SLC2A13: variants seen among roughly 807,000 people sequenced by gnomAD.
SLC2A13 encodes the protein proton myo-inositol cotransporter.
Under a neutral mutation model 64.4 loss-of-function variants are expected in SLC2A13, and 32 were observed. That is an observed-to-expected ratio of 0.50 (90% confidence interval 0.37 to 0.67). The LOEUF is 0.67. Ranked by LOEUF, SLC2A13 falls within the 30% of genes least tolerant of loss-of-function variation. The pLI, the probability that SLC2A13 is intolerant of heterozygous loss-of-function variation, is 0.00. For synonymous variants in SLC2A13, 338 were observed against 327.1 expected, an observed-to-expected ratio of 1.03 and a Z score of -0.36; for missense variants, 743 against 829.2, an observed-to-expected ratio of 0.90 and a Z score of 1.28.
intron 1 of SLC2A13, among the ~76,000 whole-genome samples, chr12:40,095,306 G>A (rs959142267): frequency 6.6e-6 from 1 of 152,154 alleles, no homozygotes. Flanking sequence ...AAATCTGCGT[G>A]AAGTAAAATA....
chr12:39,805,360 G>A (rs1223998271), intron 7 of SLC2A13, among the ~76,000 whole-genome samples: 1 of 152,144 alleles, frequency 6.6e-6, no homozygotes, highest in Non-Finnish European at 1.5e-5. Context: ...GGAGGCATCT[G>A]TAATAATCCT....
intron 7 of SLC2A13, among the ~76,000 whole-genome samples, chr12:39,804,140 A>G (rs1005204708): frequency 6.6e-6 from 1 of 152,188 alleles, no homozygotes; most frequent in African/African-American, 2.4e-5. Flanking sequence ...AAAACACTAA[A>G]TATCTTATTT....
intron 7 of SLC2A13, among the ~76,000 whole-genome samples, chr12:39,796,436 A>G (rs1238221295): frequency 1.3e-5 from 2 of 151,816 alleles, no homozygotes; most frequent in African/African-American, 2.4e-5. Flanking sequence ...AAAAAAAAAA[A>G]AAAAAAACCT....
intron 4 of SLC2A13, among the ~76,000 whole-genome samples, chr12:39,945,812 T>TA (rs1946122205): frequency 1.3e-5 from 2 of 152,224 alleles, no homozygotes; most frequent in Admixed American, 1.3e-4. Flanking sequence ...GGTCCCTCCC[T>TA]GATTAGCTTA....
chr12:39,956,906 G>T (rs902702309), intron 3 of SLC2A13, among the ~76,000 whole-genome samples: 1 of 152,072 alleles, frequency 6.6e-6, no homozygotes, highest in Non-Finnish European at 1.5e-5. Context: ...GAAAGCAGGG[G>T]CCTCACTGGG....
intron 1 of SLC2A13, among the ~76,000 whole-genome samples, chr12:40,082,979 T>C (rs1182923616): frequency 6.6e-6 from 1 of 152,158 alleles, no homozygotes; most frequent in African/African-American, 2.4e-5. Flanking sequence ...TTTCTGAAGA[T>C]CTGTTTGGAG....
At chr12:39,997,818 G>A (rs28740233) in intron 3 of SLC2A13, among the ~76,000 whole-genome samples, 13 of 152,136 alleles carry the variant, frequency 8.5e-5, no homozygotes, top group East Asian at 3.9e-4. Flanking sequence ...GTGACAGAGC[G>A]AGACTCCATC....
At chr12:40,033,393 CAAAGCA>C (rs1311530098) in intron 2 of SLC2A13, among the ~76,000 whole-genome samples, 1 of 152,198 alleles carries the variant, frequency 6.6e-6, no homozygotes, top group Non-Finnish European at 1.5e-5. Context: ...GCAGAAATAA[CAAAGCA>C]AAAGCAAAAG....
At chr12:39,827,724 T>C (rs1942734682) in intron 7 of SLC2A13, among the ~76,000 whole-genome samples, 1 of 152,116 alleles carries the variant, frequency 6.6e-6, no homozygotes, top group Admixed American at 6.6e-5. Context: ...ACAACATAGA[T>C]ATAGAAAACC....
intron 4 of SLC2A13, among the ~76,000 whole-genome samples, chr12:39,890,279 C>G (rs1000876847): frequency 6.6e-6 from 1 of 151,940 alleles, no homozygotes; most frequent in Non-Finnish European, 1.5e-5. Flanking sequence ...AAAGGAAGTT[C>G]ATTAGAGCAT....
intron 9 of SLC2A13, among the ~76,000 whole-genome samples, chr12:39,763,829 C>T (rs930984279): frequency 1.4e-4 from 21 of 152,186 alleles, no homozygotes; most frequent in African/African-American, 4.3e-4. Context: ...CCACTAAGCA[C>T]TATTGTTTTT....
chr12:39,946,692 C>T (rs952163206), intron 4 of SLC2A13, among the ~76,000 whole-genome samples: 1 of 152,172 alleles, frequency 6.6e-6, no homozygotes, highest in African/African-American at 2.4e-5. Flanking sequence ...AACGGAAGAG[C>T]CGGTCTCACT....
intron 1 of SLC2A13, among the ~76,000 whole-genome samples, chr12:40,063,089 C>T (rs116322685): frequency 2.6e-3 from 396 of 151,944 alleles, no homozygotes; most frequent in African/African-American, 9.2e-3. Flanking sequence ...CTATTAATAC[C>T]ATTTTCCGGT....
intron 6 of SLC2A13, among the ~76,000 whole-genome samples, chr12:39,839,466 T>A (rs1943122784): frequency 6.6e-6 from 1 of 152,128 alleles, no homozygotes; most frequent in Non-Finnish European, 1.5e-5. Context: ...CTCTCCACTC[T>A]ATTAAAGCTG....
At chr12:39,893,236 A>G (rs1944656513) in intron 4 of SLC2A13, among the ~76,000 whole-genome samples, 1 of 152,170 alleles carries the variant, frequency 6.6e-6, no homozygotes, top group African/African-American at 2.4e-5. Context: ...AATACTTGGG[A>G]TTTTTCAATA....
intron 4 of SLC2A13, among the ~76,000 whole-genome samples, chr12:39,886,225 G>A (rs1196617746): frequency 1.3e-5 from 2 of 152,140 alleles, no homozygotes; most frequent in Non-Finnish European, 2.9e-5. Context: ...AGAGAGGTCT[G>A]ACACACAAAT....
chr12:39,980,037 G>T (rs1946858717), intron 3 of SLC2A13, among the ~76,000 whole-genome samples: 1 of 151,842 alleles, frequency 6.6e-6, no homozygotes, highest in African/African-American at 2.4e-5. Context: ...TTAAAGAAAA[G>T]AATTTTCAAC....
intron 1 of SLC2A13, among the ~76,000 whole-genome samples, chr12:40,081,440 C>A (rs1271768937): frequency 6.6e-6 from 1 of 152,154 alleles, no homozygotes; most frequent in East Asian, 1.9e-4. Flanking sequence ...AAGAACTGGT[C>A]TTCAAGCTCT....
chr12:40,096,228 C>CA (rs1433725705), intron 1 of SLC2A13, among the ~76,000 whole-genome samples: 3 of 152,022 alleles, frequency 2.0e-5, no homozygotes, highest in African/African-American at 7.2e-5. Context: ...CGCACCCGGC[C>CA]AGCCCTGAGT....
Sources: gnomAD v4.1 joint callset for allele counts (sites outside exome capture counted in the v4.1 genomes callset) on GRCh38, gnomAD v4.1.1 for gene constraint, MANE v1.5 for transcripts, NCBI Gene and HGNC (gene_info 2026-07-23, HGNC 2026-07-21) for gene names.